DSCAM: variants seen among roughly 807,000 people sequenced by gnomAD.
DSCAM encodes DS cell adhesion molecule, also known as cell adhesion molecule DSCAM.
DSCAM carries 47 observed loss-of-function variants against 217.7 expected under a neutral mutation model. The observed-to-expected ratio is 0.22, with a 90% confidence interval of 0.17 to 0.28. The LOEUF (loss-of-function observed/expected upper bound fraction) is 0.28, where lower values mean the gene tolerates loss of function less well. Among genes scored for constraint, DSCAM ranks in the 10% least tolerant of loss-of-function variants. The pLI, the probability that DSCAM is intolerant of heterozygous loss-of-function variation, is 1.00. For missense variants in DSCAM, 2,080 were observed against 2,618.3 expected (o/e 0.79, Z 4.49); for synonymous variants, 1,056 against 1,015.3 (o/e 1.04, Z -0.76).
intron 11 of DSCAM, among the ~76,000 whole-genome samples, chr21:40,221,373 G>A (rs1376250968): frequency 2.0e-5 from 3 of 149,824 alleles, no homozygotes; most frequent in East Asian, 3.9e-4. Context: ...ATAATAATGT[G>A]TACGTGTATA....
intron 3 of DSCAM, among the ~76,000 whole-genome samples, chr21:40,625,603 C>T (rs9974484): frequency 0.5 from 75,921 of 151,916 alleles, 20,287 homozygotes; most frequent in Non-Finnish European, 0.58. Context: ...CCACTCAAGG[C>T]GGATCCTGCT....
chr21:40,028,803 G>A (rs141021197), intron 32 of DSCAM, among the ~76,000 whole-genome samples: 98 of 152,286 alleles, frequency 6.4e-4, no homozygotes, highest in South Asian at 2.5e-3. Context: ...CTTCTGCGTC[G>A]CTCACGCTGG....
intron 11 of DSCAM, among the ~76,000 whole-genome samples, chr21:40,211,146 A>G (rs1043644828): frequency 2.6e-5 from 4 of 152,192 alleles, no homozygotes; most frequent in Non-Finnish European, 5.9e-5. Flanking sequence ...TTTTTTCACT[A>G]AGCGTAATGC....
At chr21:40,461,028 T>C (rs2145948250) in intron 3 of DSCAM, among the ~76,000 whole-genome samples, 1 of 152,308 alleles carries the variant, frequency 6.6e-6, no homozygotes, top group African/African-American at 2.4e-5. Flanking sequence ...CTGTTCATAG[T>C]TGCAAAAGAA....
intron 16 of DSCAM, among the ~76,000 whole-genome samples, chr21:40,152,392 T>C (rs1418848202): frequency 6.6e-6 from 1 of 152,214 alleles, no homozygotes; most frequent in Non-Finnish European, 1.5e-5. Flanking sequence ...AGATTGTTTT[T>C]CCCATGTTGA....
At chr21:40,628,480 T>G (rs901414211) in intron 3 of DSCAM, among the ~76,000 whole-genome samples, 9 of 152,162 alleles carry the variant, frequency 5.9e-5, no homozygotes, top group African/African-American at 2.2e-4. Context: ...TTTTTGTAAA[T>G]AAATCCGTAT....
chr21:40,153,612 T>A (rs2090447128), intron 16 of DSCAM, among the ~76,000 whole-genome samples: 2 of 152,142 alleles, frequency 1.3e-5, no homozygotes, highest in Admixed American at 6.5e-5. Context: ...GGAGCCTGTA[T>A]GTAGTGGTAT....
chr21:40,210,440 ATGT>A (rs1181175704), intron 11 of DSCAM, among the ~76,000 whole-genome samples: 1 of 152,240 alleles, frequency 6.6e-6, no homozygotes, highest in Non-Finnish European at 1.5e-5. Context: ...GCTTCTGGCC[ATGT>A]TGTGAATTTC....
chr21:40,798,612 C>T (rs1276741863), intron 1 of DSCAM, among the ~76,000 whole-genome samples: 7 of 151,840 alleles, frequency 4.6e-5, no homozygotes, highest in Non-Finnish European at 8.8e-5. Flanking sequence ...CAGATACATA[C>T]GATAAACTAG....
intron 3 of DSCAM, among the ~76,000 whole-genome samples, chr21:40,533,553 CCATTCATCCAT>C (rs2076467964): frequency 8.2e-6 from 1 of 121,954 alleles, no homozygotes; most frequent in African/African-American, 2.9e-5. Flanking sequence ...ATTCATCCAT[CCATTCATCCAT>C]CCATCCATCC....
intron 3 of DSCAM, among the ~76,000 whole-genome samples, chr21:40,447,638 T>C (rs912080315): frequency 9.9e-5 from 15 of 152,240 alleles, no homozygotes; most frequent in African/African-American, 3.6e-4. Context: ...AAAAAACACA[T>C]TCATCATGCA....
intron 11 of DSCAM, among the ~76,000 whole-genome samples, chr21:40,259,996 G>C (rs1441811704): frequency 1.3e-5 from 2 of 151,866 alleles, no homozygotes; most frequent in African/African-American, 4.8e-5. Flanking sequence ...CAAAGTGCTG[G>C]GATTACAGGC....
intron 1 of DSCAM, among the ~76,000 whole-genome samples, chr21:40,773,719 G>C (rs556461826): frequency 6.6e-6 from 1 of 152,304 alleles, no homozygotes; most frequent in South Asian, 2.1e-4. Flanking sequence ...AGGCATTTGG[G>C]CCAAGACACT....
At position 40,343,723 on chromosome 21, in the gene DSCAM, G is replaced by T. The variant is rs189529337; in HGVS notation, c.1210+3947C>A. Among the ~76,000 whole-genome samples the T allele has an allele frequency of 6.4e-4, 97 of 152,030 alleles. 1 individual carries two copies. The highest frequency in any genetic ancestry group is 3.8e-4 in the Non-Finnish European group (26 of 67,966). ...ATTATCTCTGCTAAAAGTTAAGATT[G>T]CAGTACTTTATGTGAAATGTAAGAA... On this transcript the variant is annotated intron_variant, in intron 6 of 32. Coordinates refer to ENST00000400454, the MANE Select transcript of DSCAM (RefSeq NM_001389.5).
chr21:40,076,022 G>A (rs781540616), intron 26 of DSCAM, among the ~76,000 whole-genome samples: 27 of 151,998 alleles, frequency 1.8e-4, no homozygotes, highest in African/African-American at 2.9e-4. Context: ...GATGCTCCAC[G>A]CCACTGCACT....
At chr21:40,775,647 G>A (rs548285547) in intron 1 of DSCAM, among the ~76,000 whole-genome samples, 19 of 152,242 alleles carry the variant, frequency 1.2e-4, no homozygotes, top group African/African-American at 2.4e-4. Flanking sequence ...CTCTAGGTTC[G>A]CCAACCTTTG....
chr21:40,729,331 A>AC (rs1339973204), intron 1 of DSCAM, among the ~76,000 whole-genome samples: 3 of 152,216 alleles, frequency 2.0e-5, no homozygotes, highest in Non-Finnish European at 4.4e-5. Flanking sequence ...TAAGAATGAG[A>AC]AGAAAGTGCT....
chr21:40,191,200 A>C (rs1185678139), intron 11 of DSCAM, among the ~76,000 whole-genome samples: 2 of 152,202 alleles, frequency 1.3e-5, no homozygotes, highest in Admixed American at 1.3e-4. Context: ...CATATAATGA[A>C]ACGTCAAAAT....
chr21:40,507,818 T>G (rs994148524), intron 3 of DSCAM, among the ~76,000 whole-genome samples: 1 of 152,010 alleles, frequency 6.6e-6, no homozygotes. Flanking sequence ...AAAAATAACT[T>G]ACATTCACAG....
Sources: allele counts gnomAD v4.1 joint callset (sites outside exome capture counted in the v4.1 genomes callset), GRCh38; gene constraint gnomAD v4.1.1; transcripts MANE v1.5; gene names NCBI Gene and HGNC (gene_info 2026-07-23, HGNC 2026-07-21).